SGCD: variants seen among roughly 807,000 people sequenced by gnomAD.
The protein encoded by SGCD is sarcoglycan delta.
A neutral mutation model predicts 36.6 loss-of-function variants in SGCD; 18 were observed. The observed-to-expected ratio is 0.49, with a 90% CI of 0.34 to 0.73. The LOEUF (loss-of-function observed/expected upper bound fraction) is 0.73, where lower values mean the gene tolerates loss of function less well. Among genes scored for constraint, SGCD ranks in the 30% least tolerant of loss-of-function variants. The probability of loss-of-function intolerance (pLI) is 0.01; values close to 1 mark genes in which losing one functional copy is unlikely to be tolerated. For missense variants in SGCD, 387 were observed against 346.7 expected, an observed-to-expected ratio of 1.12 and a Z score of -0.92; for synonymous variants, 133 against 130.6, an observed-to-expected ratio of 1.02 and a Z score of -0.12.
At chr5:155,863,497 G>C in the SGCD span, among the ~76,000 whole-genome samples, 1 of 151,870 alleles carries the variant, frequency 6.6e-6, no homozygotes, top group East Asian at 1.9e-4. Flanking sequence ...TGCATTTTGA[G>C]CAGTCATGAT....
chr5:156,098,226 A>G (rs1000017928), intron 1 of SGCD, among the ~76,000 whole-genome samples: 2 of 152,118 alleles, frequency 1.3e-5, no homozygotes, highest in African/African-American at 2.4e-5. Context: ...ATTTCTGAAA[A>G]ATTCTTTCAT....
chr5:156,282,616 T>G (rs2127673782), intron 3 of SGCD, among the ~76,000 whole-genome samples: 1 of 152,350 alleles, frequency 6.6e-6, no homozygotes, highest in African/African-American at 2.4e-5. Context: ...TGTAATATGG[T>G]TGGATGCTAT....
At chr5:156,557,195 C>T (rs1380835082) in intron 4 of SGCD, among the ~76,000 whole-genome samples, 1 of 152,130 alleles carries the variant, frequency 6.6e-6, no homozygotes, top group Non-Finnish European at 1.5e-5. Flanking sequence ...TCATTTTCAG[C>T]CTGCAACCGG....
At chr5:156,277,858 C>T (rs756058020) in intron 3 of SGCD, among the ~76,000 whole-genome samples, 13 of 152,080 alleles carry the variant, frequency 8.5e-5, no homozygotes, top group Non-Finnish European at 1.8e-4. Context: ...ATGGATGAGT[C>T]GCTGAGTTGT....
intron 3 of SGCD, among the ~76,000 whole-genome samples, chr5:156,142,743 T>C (rs1762609516): frequency 6.6e-6 from 1 of 152,178 alleles, no homozygotes; most frequent in Non-Finnish European, 1.5e-5. Flanking sequence ...CAGCAAAACA[T>C]TCAAGATTTG....
Position 156,090,776 on chromosome 5 carries a change from A to T in SGCD, c.-281-27102A>T, listed in dbSNP as rs199551998. ...TCCCAGAGCTGTCGTTTATAGACCT[A>T]CCCCTGGGAATGCATTCCTTCCCCA... On this transcript the variant is annotated intron_variant, in intron 1 of 9. Coordinates refer to the SGCD transcript ENST00000517913. Among the ~76,000 whole-genome samples, 3 of 152,112 alleles carry T rather than the reference A, an allele frequency of 2.0e-5. No individual in the cohort carries two copies. The East Asian group carries it at 5.8e-4, about 29-fold the overall frequency.
chr5:155,892,136 G>A (rs1322639269), intron 1 of SGCD, among the ~76,000 whole-genome samples: 1 of 152,052 alleles, frequency 6.6e-6, no homozygotes, highest in African/African-American at 2.4e-5. Flanking sequence ...TATAAACTTT[G>A]AAGCTTATAA....
At chr5:156,529,269 A>G (rs144320058) in intron 4 of SGCD, among the ~76,000 whole-genome samples, 5,233 of 152,060 alleles carry the variant, frequency 0.034, 193 homozygotes, top group African/African-American at 0.092. Context: ...TACTAAAAAT[A>G]CAAAAATTAG....
chr5:156,512,332 T>C (rs1313130242), intron 4 of SGCD, among the ~76,000 whole-genome samples: 2 of 152,178 alleles, frequency 1.3e-5, no homozygotes, highest in African/African-American at 4.8e-5. Flanking sequence ...TAACACCATA[T>C]GTATTTTTAC....
At position 156,414,370 on chromosome 5, in the gene SGCD, T is replaced by C. The variant is rs903014661; in HGVS notation, c.192+69693T>C. On this transcript the variant is annotated intron_variant, in intron 3 of 8. Transcript: ENST00000337851. ...ATTGGATATCGGTTAAATTACAAAATTTTTATAAAACTTAATGATGCATAT... is the reference window on the plus strand; with the variant it reads ...ATTGGATATCGGTTAAATTACAAAACTTTTATAAAACTTAATGATGCATAT... 9.2e-5 allele frequency among the ~76,000 whole-genome samples: 14 copies of C among 152,306 alleles called. No individual in the cohort carries two copies. In the South Asian group the frequency reaches 2.9e-3, roughly 32 times the overall value.
intron 3 of SGCD, among the ~76,000 whole-genome samples, chr5:156,218,631 G>A (rs1764638295): frequency 6.6e-6 from 1 of 152,056 alleles, no homozygotes; most frequent in Non-Finnish European, 1.5e-5. Flanking sequence ...GTGTGAGAAA[G>A]GTCAGAGTCA....
At chr5:156,221,975 A>G (rs574798934) in intron 3 of SGCD, among the ~76,000 whole-genome samples, 1 of 152,150 alleles carries the variant, frequency 6.6e-6, no homozygotes, top group South Asian at 2.1e-4. Context: ...AGCCTAGAGA[A>G]TAGAAGACTT....
intron 2 of SGCD, among the ~76,000 whole-genome samples, chr5:156,335,300 A>G (rs145706104): frequency 6.6e-6 from 1 of 152,340 alleles, no homozygotes; most frequent in East Asian, 1.9e-4. Flanking sequence ...TACAAGGTAT[A>G]TTACAATTTG....
chr5:156,206,361 T>A (rs181505276), intron 3 of SGCD, among the ~76,000 whole-genome samples: 18 of 152,134 alleles, frequency 1.2e-4, no homozygotes, highest in African/African-American at 4.1e-4. Context: ...GGACATATTT[T>A]TTTGGATAAA....
the SGCD span, among the ~76,000 whole-genome samples, chr5:155,827,375 T>C: frequency 6.6e-6 from 1 of 152,192 alleles, no homozygotes; most frequent in African/African-American, 2.4e-5. Context: ...AGGTTTCTTG[T>C]ATGGTGTCCA....
intron 3 of SGCD, among the ~76,000 whole-genome samples, chr5:156,174,374 T>C (rs1029531252): frequency 6.6e-6 from 1 of 152,034 alleles, no homozygotes; most frequent in Non-Finnish European, 1.5e-5. Flanking sequence ...GCCAAGTGTG[T>C]ATAAAAAGAA....
chr5:156,383,323 G>A (rs921419299), intron 3 of SGCD, among the ~76,000 whole-genome samples: 1 of 152,048 alleles, frequency 6.6e-6, no homozygotes. Flanking sequence ...GGCCAACATG[G>A]TGAAACCCTG....
intron 4 of SGCD, among the ~76,000 whole-genome samples, chr5:156,568,899 C>A (rs1561784367): frequency 6.6e-6 from 1 of 152,208 alleles, no homozygotes; most frequent in Non-Finnish European, 1.5e-5. Context: ...CTGATCATAT[C>A]ACGTACTGTA....
chr5:155,915,058 A>C (rs988190652), intron 1 of SGCD, among the ~76,000 whole-genome samples: 34 of 152,194 alleles, frequency 2.2e-4, no homozygotes, highest in African/African-American at 7.2e-4. Flanking sequence ...ATTCAGGAGA[A>C]ATAGAAGATG....
Sources: allele counts gnomAD v4.1 joint callset (sites outside exome capture counted in the v4.1 genomes callset), GRCh38; gene constraint gnomAD v4.1.1; transcripts MANE v1.5; gene names NCBI Gene and HGNC (gene_info 2026-07-23, HGNC 2026-07-21).